The following CNTN5 variants were observed in gnomAD, a reference collection of about 807,000 sequenced individuals.
CNTN5 encodes contactin-5.
CNTN5 carries 77 observed loss-of-function variants against 129.1 expected under a neutral mutation model. That is an observed-to-expected ratio of 0.60 (90% CI 0.50 to 0.72). The LOEUF (loss-of-function observed/expected upper bound fraction) is 0.72, where lower values mean the gene tolerates loss of function less well. Among genes scored for constraint, CNTN5 ranks in the 30% least tolerant of loss-of-function variants. The pLI is 0.00. For missense variants in CNTN5, 1,478 were observed against 1,328.8 expected (o/e 1.11, Z -1.75); for synonymous variants, 509 against 465.6 (o/e 1.09, Z -1.20).
chr11:99,765,736 T>C (rs1190032364), intron 3 of CNTN5, among the ~76,000 whole-genome samples: 1 of 151,684 alleles, frequency 6.6e-6, no homozygotes, highest in Non-Finnish European at 1.5e-5. Context: ...TTGTTGTTTC[T>C]GTTGTTAATG....
chr11:99,337,753 G>T (rs207472246), intron 2 of CNTN5, among the ~76,000 whole-genome samples: 2 of 151,948 alleles, frequency 1.3e-5, no homozygotes, highest in African/African-American at 4.8e-5. Flanking sequence ...ATATTTTTCC[G>T]GGACTATCTA....
intron 1 of CNTN5, among the ~76,000 whole-genome samples, chr11:99,311,212 C>T (rs1734028551): frequency 6.6e-6 from 1 of 152,196 alleles, no homozygotes; most frequent in East Asian, 1.9e-4. Context: ...CAGGCATGAG[C>T]CACCGCACCC....
intron 2 of CNTN5, among the ~76,000 whole-genome samples, chr11:99,475,647 C>A (rs143566699): frequency 6.6e-6 from 1 of 151,746 alleles, no homozygotes; most frequent in Non-Finnish European, 1.5e-5. Flanking sequence ...CTTTTTTAAG[C>A]CTGTAATGGA....
chr11:99,377,819 C>T (rs1591596627), intron 2 of CNTN5, among the ~76,000 whole-genome samples: 1 of 152,186 alleles, frequency 6.6e-6, no homozygotes, highest in African/African-American at 2.4e-5. Context: ...TGCAATTTTG[C>T]CTTTTCTCTG....
intron 2 of CNTN5, among the ~76,000 whole-genome samples, chr11:99,356,410 T>C (rs909525477): frequency 3.3e-5 from 5 of 152,240 alleles, no homozygotes; most frequent in Admixed American, 2.0e-4. Flanking sequence ...AAAGTTGGCA[T>C]GGAAAGGCTT....
intron 2 of CNTN5, among the ~76,000 whole-genome samples, chr11:99,353,239 G>A (rs7127385): frequency 0.92 from 139,739 of 152,270 alleles, 64,280 homozygotes; most frequent in Non-Finnish European, 0.96. Context: ...TGCCTTGACC[G>A]CCTATAAATC....
chr11:100,299,447 C>T, intron 20 of CNTN5, 51 bp downstream of exon 20: 1 of 1,197,400 alleles, frequency 8.4e-7, no homozygotes, highest in Non-Finnish European at 1.2e-6. Context: ...CTTTGTTATA[C>T]AAATAATCAG....
At chr11:99,454,087 A>G (rs1050660693) in intron 2 of CNTN5, among the ~76,000 whole-genome samples, 1 of 152,186 alleles carries the variant, frequency 6.6e-6, no homozygotes, top group African/African-American at 2.4e-5. Context: ...TAACAAAAGA[A>G]ATTGCCCACA....
chr11:99,247,772 C>T (rs1861890334), intron 1 of CNTN5, among the ~76,000 whole-genome samples: 2 of 152,038 alleles, frequency 1.3e-5, no homozygotes. Context: ...TCATCCATGT[C>T]CCTACAAAGG....
chr11:100,318,497 T>C (rs1257335753), intron 21 of CNTN5, among the ~76,000 whole-genome samples: 4 of 152,354 alleles, frequency 2.6e-5, no homozygotes, highest in Non-Finnish European at 4.4e-5. Flanking sequence ...AATTGACTAA[T>C]TGCCAATTAG....
chr11:99,595,291 A>G (rs1380073590), intron 3 of CNTN5, among the ~76,000 whole-genome samples: 1 of 152,180 alleles, frequency 6.6e-6, no homozygotes, highest in Non-Finnish European at 1.5e-5. Flanking sequence ...TACTTTGTAT[A>G]TATGCACTGA....
chr11:99,480,666 T>G (rs979863624), intron 2 of CNTN5, among the ~76,000 whole-genome samples: 3 of 152,200 alleles, frequency 2.0e-5, no homozygotes, highest in African/African-American at 7.2e-5. Context: ...TCTATGTAAC[T>G]TCTGTTACTA....
At chr11:100,167,093 C>T (rs1214018014) in intron 13 of CNTN5, among the ~76,000 whole-genome samples, 1 of 151,714 alleles carries the variant, frequency 6.6e-6, no homozygotes, top group Non-Finnish European at 1.5e-5. Flanking sequence ...CATGTCATTT[C>T]CAACCCTTTT....
chr11:99,794,802 G>T lies in CNTN5; in HGVS notation c.56-24742G>T, dbSNP rs75356625. ...CTGTGGAAAGGCCCACTGTTAGCCT[G>T]GTGGGACTCCCTTTGTAGATGACCT... On this transcript the variant is annotated intron_variant, in intron 3 of 24. Coordinates refer to ENST00000524871, the MANE Select transcript of CNTN5 (RefSeq NM_014361.4). Among the ~76,000 whole-genome samples, 707 of 152,188 alleles carry T rather than the reference G, an allele frequency of 4.6e-3. 15 individuals carry two copies. The highest frequency in any genetic ancestry group is 0.034 in the Admixed American group (517 of 15,280).
chr11:99,689,113 A>C (rs1953922013), intron 3 of CNTN5, among the ~76,000 whole-genome samples: 1 of 152,098 alleles, frequency 6.6e-6, no homozygotes, highest in South Asian at 2.1e-4. Context: ...TTACTTTTGG[A>C]ATATACCCAG....
At chr11:99,835,437 G>C (rs1194827596) in intron 4 of CNTN5, among the ~76,000 whole-genome samples, 1 of 152,152 alleles carries the variant, frequency 6.6e-6, no homozygotes, top group African/African-American at 2.4e-5. Context: ...ACCTTGCCCA[G>C]AGGTGAGGCA....
At chr11:100,157,036 T>G (rs1947267925) in intron 13 of CNTN5, among the ~76,000 whole-genome samples, 1 of 152,074 alleles carries the variant, frequency 6.6e-6, no homozygotes, top group Admixed American at 6.6e-5. Context: ...TTCTGCTAGC[T>G]TTTGAATTTG....
Position 99,659,457 on chromosome 11 carries a change from G to GT in CNTN5, c.55+103189dup, listed in dbSNP as rs373740807. Among the ~76,000 whole-genome samples, 340 of 152,214 alleles carry GT rather than the reference G, an allele frequency of 2.2e-3. 1 individual carries two copies. Among genetic ancestry groups the GT allele is most frequent in the African/African-American group, 7.5e-3 (310 of 41,538 alleles). On this transcript the variant is annotated intron_variant, in intron 3 of 24. Transcript: ENST00000524871. ...GTTTTAATTAATATAAATACACTGC[G>GT]TATCAATATACTAGTCTTAGTTCTT... is the stretch of plus-strand genomic sequence containing the variant.
intron 1 of CNTN5, among the ~76,000 whole-genome samples, chr11:99,257,555 GAA>G (rs201868552): frequency 6.6e-6 from 1 of 151,526 alleles, no homozygotes. Context: ...TTTTTTTAAT[GAA>G]AAAAAGGTGT....
Sources: allele counts gnomAD v4.1 joint callset (sites outside exome capture counted in the v4.1 genomes callset), GRCh38; gene constraint gnomAD v4.1.1; transcripts MANE v1.5; gene names NCBI Gene and HGNC (gene_info 2026-07-23, HGNC 2026-07-21).